Variants in VPS26A observed in about 807,000 individuals in gnomAD.
VPS26A encodes the protein VPS26 retromer complex component A, also known as vacuolar protein sorting-associated protein 26A.
VPS26A carries 22 observed loss-of-function variants against 42.4 expected under a neutral mutation model. That is an observed-to-expected ratio of 0.52 (90% CI 0.37 to 0.74). The LOEUF is 0.74. VPS26A is among the 30% of genes least tolerant of loss of function. VPS26A has a pLI of 0.00. For missense variants in VPS26A, 276 were observed against 379.2 expected (o/e 0.73, Z 2.26); for synonymous variants, 110 against 123.5 (o/e 0.89, Z 0.73).
chr10:69,124,890 G>A (rs1334249309), intron 1 of VPS26A, among the ~76,000 whole-genome samples: 1 of 152,216 alleles, frequency 6.6e-6, no homozygotes, highest in Non-Finnish European at 1.5e-5. Flanking sequence ...GGTGCCCGCC[G>A]TTTTAAGCAT....
intron 2 of VPS26A, among the ~76,000 whole-genome samples, chr10:69,148,628 T>C (rs1484216167): frequency 6.6e-6 from 1 of 152,248 alleles, no homozygotes; most frequent in African/African-American, 2.4e-5. Context: ...AGTATATGTT[T>C]GTCTTAAACA....
chr10:69,166,225 A>G (rs1293252028), intron 7 of VPS26A, 115 bp downstream of exon 7: 7 of 933,728 alleles, frequency 7.5e-6, no homozygotes, highest in Non-Finnish European at 1.1e-5. Flanking sequence ...CATTCTTACA[A>G]TGATAGCTTT....
At chr10:69,165,886 C>T (rs536983835) in intron 6 of VPS26A, among the ~76,000 whole-genome samples, 156 bp from the exon 7 acceptor site, 4 of 152,090 alleles carry the variant, frequency 2.6e-5, no homozygotes, top group South Asian at 4.2e-4. Context: ...GTTGAGGCTG[C>T]GGCAAGCCAT....
At chr10:69,140,280 C>T (rs1315001900) in intron 2 of VPS26A, among the ~76,000 whole-genome samples, 1 of 152,040 alleles carries the variant, frequency 6.6e-6, no homozygotes, top group Non-Finnish European at 1.5e-5. Context: ...TGCTATGTTG[C>T]TCAGGCTGGT....
At chr10:69,145,669 T>G (rs1841142175) in intron 2 of VPS26A, among the ~76,000 whole-genome samples, 1 of 152,200 alleles carries the variant, frequency 6.6e-6, no homozygotes, top group African/African-American at 2.4e-5. Context: ...TGTGTGAACC[T>G]GTTCAGAATT....
At chr10:69,168,453 A>G in intron 7 of VPS26A, 36 bp from the exon 8 acceptor site, 1 of 1,597,638 alleles carries the variant, frequency 6.3e-7, no homozygotes, top group South Asian at 1.1e-5. Flanking sequence ...ATATTTAATC[A>G]TCTTTAGAAT....
intron 1 of VPS26A, 22 bp downstream of exon 1, chr10:69,124,302 C>A: frequency 2.4e-6 from 3 of 1,248,650 alleles, no homozygotes; most frequent in Non-Finnish European, 3.0e-6. Context: ...GCGGCCAGCG[C>A]GCTCGCCTCC....
At chr10:69,165,375 G>A (rs902238897) in intron 6 of VPS26A, among the ~76,000 whole-genome samples, 1 of 151,832 alleles carries the variant, frequency 6.6e-6, no homozygotes, top group Non-Finnish European at 1.5e-5. Flanking sequence ...ATGATCTCAA[G>A]GCAAGAGGTC....
rs1032073458 is a variant in VPS26A at position 69,124,199 on chromosome 10, G to A, written c.-79G>A. The A allele has an allele frequency of 2.9e-5, 36 of 1,260,718 alleles. No individual in the cohort carries two copies. In the East Asian group the frequency reaches 4.0e-4, roughly 14 times the overall value. The allele number at this position is 1,260,718 out of a possible 1,614,324, so 78.1% of individuals were successfully genotyped here. The stretch of plus-strand genomic sequence containing the variant: ...GCCCGAGGTCACGTGACGGAGCGCC[G>A]GAGCGGAGGGAGCCGGGGCTGGGAG... On this transcript the variant is annotated 5_prime_UTR_variant, in exon 1 of 9. Transcript: ENST00000263559.
At chr10:69,125,309 G>T (rs926658875) in intron 1 of VPS26A, among the ~76,000 whole-genome samples, 1 of 133,646 alleles carries the variant, frequency 7.5e-6, no homozygotes, top group African/African-American at 2.5e-5. Flanking sequence ...AGACATTCAT[G>T]TTCATTCTTA....
At chr10:69,167,954 C>CTT (rs1202759997) in intron 7 of VPS26A, among the ~76,000 whole-genome samples, 1 of 152,040 alleles carries the variant, frequency 6.6e-6, no homozygotes. Flanking sequence ...AACAAAACAA[C>CTT]TTATAGAGCA....
intron 5 of VPS26A, among the ~76,000 whole-genome samples, chr10:69,161,007 T>C (rs1283295147): frequency 6.6e-6 from 1 of 152,212 alleles, no homozygotes; most frequent in Non-Finnish European, 1.5e-5. Flanking sequence ...CACTAAACTC[T>C]TGTGTCTTTT....
At chr10:69,126,480 T>C (rs1196661691) in intron 1 of VPS26A, among the ~76,000 whole-genome samples, 1 of 149,550 alleles carries the variant, frequency 6.7e-6, no homozygotes, top group Non-Finnish European at 1.5e-5. Flanking sequence ...GGCAGGAGAA[T>C]CAATTGAACC....
chr10:69,142,564 T>C (rs1435792280), intron 2 of VPS26A, among the ~76,000 whole-genome samples: 1 of 152,082 alleles, frequency 6.6e-6, no homozygotes, highest in Non-Finnish European at 1.5e-5. Context: ...AAAAGTGGTA[T>C]AGATTTGTAA....
chr10:69,157,048 C>G lies in VPS26A; in HGVS notation c.271C>G (p.Leu91Val). 1 of 1,612,642 alleles carries G rather than the reference C, an allele frequency of 6.2e-7. No homozygotes were observed. The highest frequency in any genetic ancestry group is 8.5e-7 in the Non-Finnish European group (1 of 1,179,348). Residue 91 changes from leucine (L) to valine (V), a missense_variant, in exon 4 of 9, where the codon CTA becomes GTA. Physicochemically the swap from Leu to Val is conservative, Grantham distance 32. Transcript: ENST00000263559. ...DKSNTHEFVN[L>V]VKELALPGEL... ...GAGTAATACTCATGAATTTGTAAACCTAGTGAAAGAACTAGCCTTACCTGG... is the reference window on the plus strand; with the variant it reads ...GAGTAATACTCATGAATTTGTAAACGTAGTGAAAGAACTAGCCTTACCTGG...
At chr10:69,147,158 C>T (rs1750441837) in intron 2 of VPS26A, among the ~76,000 whole-genome samples, 1 of 152,138 alleles carries the variant, frequency 6.6e-6, no homozygotes, top group South Asian at 2.1e-4. Context: ...TTCAGTTCCC[C>T]AGTGAGTAAT....
intron 2 of VPS26A, among the ~76,000 whole-genome samples, chr10:69,150,483 A>G (rs377670158): frequency 2.0e-5 from 3 of 151,668 alleles, no homozygotes; most frequent in South Asian, 2.1e-4. Flanking sequence ...TGCAAGCTCC[A>G]CCTCCTGGGT....
intron 2 of VPS26A, among the ~76,000 whole-genome samples, chr10:69,151,282 A>AAAAAAC (rs71035063): frequency 4.4e-5 from 6 of 136,776 alleles, no homozygotes; most frequent in African/African-American, 2.0e-4. Context: ...AAAAAAAAAA[A>AAAAAAC]ACACACACAC....
At chr10:69,168,154 A>G (rs774144662) in intron 7 of VPS26A, among the ~76,000 whole-genome samples, 3 of 152,218 alleles carry the variant, frequency 2.0e-5, no homozygotes, top group Non-Finnish European at 4.4e-5. Flanking sequence ...ACTCTAGAAC[A>G]GTAGTTCTCG....
Sources: gnomAD v4.1 joint callset for allele counts (sites outside exome capture counted in the v4.1 genomes callset) on GRCh38, gnomAD v4.1.1 for gene constraint, MANE v1.5 for transcripts, NCBI Gene and HGNC (gene_info 2026-07-23, HGNC 2026-07-21) for gene names.